HPD: variants seen among roughly 807,000 people sequenced by gnomAD.
HPD encodes the protein 4-hydroxyphenylpyruvic acid oxidase.
A neutral mutation model predicts 56.9 loss-of-function variants in HPD; 35 were observed. The observed-to-expected ratio is 0.62, with a 90% CI of 0.47 to 0.82. HPD has a LOEUF of 0.82. Ranked by LOEUF, HPD falls within the 40% of genes least tolerant of loss-of-function variation. The pLI is 0.00. For synonymous variants in HPD, 186 were observed against 200.2 expected, an observed-to-expected ratio of 0.93 and a Z score of 0.60; for missense variants, 442 against 506.8, an observed-to-expected ratio of 0.87 and a Z score of 1.23.
chr12:121,862,987 T>G (rs573463211), upstream of HPD, among the ~76,000 whole-genome samples: 916 of 130,018 alleles, frequency 7.0e-3, 20 homozygotes, highest in African/African-American at 0.025. Context: ...GCACCCCCCC[T>G]CCTTTTTTTT....
the HPD span, among the ~76,000 whole-genome samples, chr12:121,877,869 G>C: frequency 6.6e-6 from 1 of 152,174 alleles, no homozygotes; most frequent in Admixed American, 6.6e-5. Context: ...TGGTGTGGCC[G>C]GATTTTGTTC....
chr12:121,854,610 T>C (rs1877925806), intron 7 of HPD, 93 bp downstream of exon 7: 2 of 876,050 alleles, frequency 2.3e-6, no homozygotes, highest in African/African-American at 1.7e-5. Context: ...CCAAGGCCCA[T>C]GGGTGGGATG....
chr12:121,844,721 CA>C (rs200446497), intron 11 of HPD, among the ~76,000 whole-genome samples: 149 of 147,386 alleles, frequency 1.0e-3, no homozygotes, highest in African/African-American at 3.4e-3. Flanking sequence ...ACTAAAAATA[CA>C]AAAAAAAAAT....
In HPD at chr12:121,847,196, C is replaced by T. The variant is rs1877617153; in HGVS notation, c.615G>A (p.Gln205=). 1.2e-6 allele frequency: 2 copies of T among 1,614,070 alleles called. No individual in the cohort carries two copies. Among genetic ancestry groups the T allele is most frequent in the South Asian group, 1.1e-5 (1 of 91,086 alleles). ...SASEWYLKNL[Q]FHRFWSVDDT... ...CATCCACGGACCAGAAGCGGTGGAA[C>T]TGCAGGTTTTTCAGGTACCTGTAGG... Residue 205 remains glutamine (Q), a synonymous_variant, in exon 10 of 14, where the codon CAG becomes CAA. Coordinates refer to ENST00000289004, the MANE Select transcript of HPD (RefSeq NM_002150.3).
At chr12:121,862,929 C>A (rs1414569398), upstream of HPD, among the ~76,000 whole-genome samples, 1 of 151,176 alleles carries the variant, frequency 6.6e-6, no homozygotes, top group Non-Finnish European at 1.5e-5. Context: ...ATTCGCTCGC[C>A]TTGGCCTCCC....
intron 12 of HPD, among the ~76,000 whole-genome samples, chr12:121,840,671 T>C (rs928953948): frequency 3.3e-5 from 5 of 151,994 alleles, no homozygotes; most frequent in African/African-American, 7.2e-5. Flanking sequence ...GGAACCCTCA[T>C]GTACTGCTGG....
upstream of HPD, among the ~76,000 whole-genome samples, chr12:121,868,161 G>A (rs1239275007): frequency 6.6e-6 from 1 of 152,114 alleles, no homozygotes; most frequent in Non-Finnish European, 1.5e-5. Flanking sequence ...CAGCCTGGGT[G>A]ACACAGCGAG....
intron 11 of HPD, among the ~76,000 whole-genome samples, chr12:121,846,185 C>T (rs1169835331): frequency 2.6e-5 from 4 of 152,198 alleles, no homozygotes; most frequent in African/African-American, 9.6e-5. Context: ...AGGCATAAGC[C>T]ACTGTGCCCA....
intron 12 of HPD, among the ~76,000 whole-genome samples, chr12:121,842,671 C>A (rs771237123): frequency 5.9e-5 from 9 of 151,606 alleles, no homozygotes; most frequent in Non-Finnish European, 1.3e-4. Flanking sequence ...CTCAAGTGAT[C>A]CACCTGCCTT....
At chr12:121,866,300 CAAAA>C (rs71453584), upstream of HPD, among the ~76,000 whole-genome samples, 5 of 95,048 alleles carry the variant, frequency 5.3e-5, no homozygotes, top group Admixed American at 1.2e-4. Flanking sequence ...GACTCCGCCT[CAAAA>C]AAAAAAAAAA....
At chr12:121,857,712 C>T (rs1878055227) in intron 3 of HPD, 45 bp downstream of exon 3, 1 of 1,538,284 alleles carries the variant, frequency 6.5e-7, no homozygotes, top group African/African-American at 1.4e-5. Context: ...AGGCAGCCCT[C>T]TGCCCTGCCG....
intron 11 of HPD, 110 bp downstream of exon 11, chr12:121,846,752 C>G (rs1877596482): frequency 1.0e-6 from 1 of 992,884 alleles, no homozygotes; most frequent in South Asian, 1.4e-5. Flanking sequence ...GTCAGTCTCC[C>G]AGCCCAGAGA....
chr12:121,882,652 A>G, the HPD span, among the ~76,000 whole-genome samples: 5 of 152,186 alleles, frequency 3.3e-5, no homozygotes, highest in African/African-American at 1.2e-4. Flanking sequence ...ACCAAGTGAA[A>G]AGTGCAGAAA....
chr12:121,866,225 CGG>C, upstream of HPD, among the ~76,000 whole-genome samples: 1 of 149,662 alleles, frequency 6.7e-6, no homozygotes, highest in Non-Finnish European at 1.5e-5. Context: ...GGTGTGAACT[CGG>C]GAGGCAGAGC....
chr12:121,856,145 C>T (rs1877986782), intron 6 of HPD, 179 bp downstream of exon 6: 1 of 682,030 alleles, frequency 1.5e-6, no homozygotes, highest in Admixed American at 2.0e-5. Context: ...AGCATCTGGG[C>T]TTGTCACTGT....
At chr12:121,883,058 T>TC in the HPD span, among the ~76,000 whole-genome samples, 1 of 152,052 alleles carries the variant, frequency 6.6e-6, no homozygotes, top group South Asian at 2.1e-4. Context: ...GAGGTTCAAG[T>TC]CAGCCTGGCC....
At chr12:121,880,027 G>A in the HPD span, among the ~76,000 whole-genome samples, 1 of 151,632 alleles carries the variant, frequency 6.6e-6, no homozygotes, top group Non-Finnish European at 1.5e-5. Flanking sequence ...TATGTATATG[G>A]TCCCAGCTAT....
chr12:121,848,973 G>A (rs776050205), intron 9 of HPD, 26 bp downstream of exon 9: 4 of 1,577,192 alleles, frequency 2.5e-6, no homozygotes, highest in East Asian at 2.2e-5. Flanking sequence ...TCATCTTCAC[G>A]CAGAGGGAGA....
chr12:121,863,755 G>A (rs879605649), upstream of HPD, among the ~76,000 whole-genome samples: 1 of 151,602 alleles, frequency 6.6e-6, no homozygotes, highest in African/African-American at 2.4e-5. Context: ...ACTTCAGCCT[G>A]GGCAGCAGAA....
Sources: gnomAD v4.1 joint callset for allele counts (sites outside exome capture counted in the v4.1 genomes callset) on GRCh38, gnomAD v4.1.1 for gene constraint, MANE v1.5 for transcripts, NCBI Gene and HGNC (gene_info 2026-07-23, HGNC 2026-07-21) for gene names.